Variants in MACROD2 observed in about 807,000 individuals in gnomAD.
MACROD2 encodes ADP-ribose glycohydrolase MACROD2.
A neutral mutation model predicts 70.4 loss-of-function variants in MACROD2; 36 were observed. The ratio of observed to expected loss-of-function variants is 0.51; its 90% CI spans 0.39 to 0.68. MACROD2 has a LOEUF of 0.68. Among genes scored for constraint, MACROD2 ranks in the 30% least tolerant of loss-of-function variants. The probability of loss-of-function intolerance (pLI) is 0.00; values close to 1 mark genes in which losing one functional copy is unlikely to be tolerated. For missense variants in MACROD2, 496 were observed against 538.4 expected (o/e 0.92, Z 0.78); for synonymous variants, 172 against 178.8 (o/e 0.96, Z 0.30).
intron 5 of MACROD2, among the ~76,000 whole-genome samples, chr20:14,855,069 T>C (rs768607477): frequency 3.9e-5 from 6 of 152,152 alleles, no homozygotes; most frequent in Non-Finnish European, 8.8e-5. Context: ...GTTATTTAAA[T>C]TCAGTCTTTC....
intron 3 of MACROD2, among the ~76,000 whole-genome samples, chr20:14,256,638 A>G (rs947217237): frequency 3.3e-5 from 5 of 152,148 alleles, no homozygotes; most frequent in African/African-American, 4.8e-5. Flanking sequence ...ATGCTAGCCT[A>G]TTTAAGACCT....
chr20:15,279,772 C>T (rs1238232057), intron 6 of MACROD2, among the ~76,000 whole-genome samples: 1 of 152,154 alleles, frequency 6.6e-6, no homozygotes, highest in East Asian at 1.9e-4. Context: ...ATCTTTTAAG[C>T]ATCTACCGTA....
intron 3 of MACROD2, among the ~76,000 whole-genome samples, chr20:14,437,409 A>G (rs1377278198): frequency 6.6e-6 from 1 of 152,142 alleles, no homozygotes; most frequent in Non-Finnish European, 1.5e-5. Context: ...CCTGGCCAAC[A>G]TGGTGAAACC....
At chr20:14,560,909 A>G (rs1319184480) in intron 4 of MACROD2, among the ~76,000 whole-genome samples, 1 of 151,814 alleles carries the variant, frequency 6.6e-6, no homozygotes, top group East Asian at 1.9e-4. Flanking sequence ...TTAGAATTTG[A>G]CCTTATTAAT....
At chr20:14,385,131 G>GATATCTC (rs2083456794) in intron 3 of MACROD2, among the ~76,000 whole-genome samples, 1 of 152,108 alleles carries the variant, frequency 6.6e-6, no homozygotes, top group Non-Finnish European at 1.5e-5. Context: ...CTAACAGCAT[G>GATATCTC]ATATCTCATT....
intron 5 of MACROD2, among the ~76,000 whole-genome samples, chr20:14,761,544 G>C (rs1029754623): frequency 6.6e-6 from 1 of 152,074 alleles, no homozygotes; most frequent in African/African-American, 2.4e-5. Context: ...ACCTAAACTT[G>C]TTTTTTATTC....
chr20:15,351,749 A>G (rs996567261), intron 6 of MACROD2, among the ~76,000 whole-genome samples: 1 of 152,242 alleles, frequency 6.6e-6, no homozygotes, highest in African/African-American at 2.4e-5. Flanking sequence ...TGTGCCCACA[A>G]ACATGGCTAT....
At chr20:15,872,451 GTTA>G (rs1460429915) in intron 9 of MACROD2, among the ~76,000 whole-genome samples, 1 of 152,162 alleles carries the variant, frequency 6.6e-6, no homozygotes, top group African/African-American at 2.4e-5. Context: ...TGCTAGGCTT[GTTA>G]TTATAAGAAA....
chr20:14,385,765 T>C (rs538767284), intron 3 of MACROD2, among the ~76,000 whole-genome samples: 2 of 152,326 alleles, frequency 1.3e-5, no homozygotes, highest in Admixed American at 6.5e-5. Context: ...AATCATGATA[T>C]GTTGCTTTTC....
chr20:14,776,223 T>C (rs1035845374), intron 5 of MACROD2, among the ~76,000 whole-genome samples: 1 of 151,892 alleles, frequency 6.6e-6, no homozygotes, highest in African/African-American at 2.4e-5. Flanking sequence ...AAAGAGTGGG[T>C]TTGGGGTTTC....
In MACROD2 at chr20:15,176,112, C is replaced by T. The variant is rs141616694; in HGVS notation, c.419-53828C>T. 9.0e-3 allele frequency among the ~76,000 whole-genome samples: 1,366 copies of T among 152,340 alleles called. 17 individuals are homozygous for T. The highest frequency in any genetic ancestry group is 0.017 in the Admixed American group (260 of 15,314). ...ATGTGTATTCTCAGAGGTGCTGACA[C>T]GCCAGCCCCCTGCTGCCTTGGCCCC... is the stretch of plus-strand genomic sequence containing the variant. On this transcript the variant is annotated intron_variant, in intron 5 of 17. Transcript: ENST00000684519.
intron 8 of MACROD2, among the ~76,000 whole-genome samples, chr20:15,510,887 CAGAA>C (rs2047490225): frequency 6.6e-6 from 1 of 152,240 alleles, no homozygotes; most frequent in Non-Finnish European, 1.5e-5. Context: ...AAGTCCATGA[CAGAA>C]AGCCCCAACC....
At chr20:15,089,707 C>T (rs533144620) in intron 5 of MACROD2, among the ~76,000 whole-genome samples, 7 of 152,188 alleles carry the variant, frequency 4.6e-5, no homozygotes, top group African/African-American at 1.4e-4. Context: ...ACACTGAAGG[C>T]CTGCCTTCTT....
intron 4 of MACROD2, among the ~76,000 whole-genome samples, chr20:14,606,016 A>C (rs746095527): frequency 3.9e-5 from 6 of 152,164 alleles, no homozygotes; most frequent in African/African-American, 7.2e-5. Flanking sequence ...TGTGTATATA[A>C]ATCCCCTTTC....
intron 3 of MACROD2, among the ~76,000 whole-genome samples, chr20:14,134,594 C>G (rs2054766071): frequency 6.6e-6 from 1 of 152,036 alleles, no homozygotes; most frequent in Admixed American, 6.5e-5. Flanking sequence ...ATCATGAGTT[C>G]AGGAGATCAA....
In MACROD2 at chr20:15,306,852, A is replaced by C. The variant is rs551024490; in HGVS notation, c.540+76791A>C. On this transcript the variant is annotated intron_variant, in intron 6 of 17. Coordinates refer to ENST00000684519, the MANE Select transcript of MACROD2 (RefSeq NM_001351661.2). The stretch of plus-strand genomic sequence containing the variant: ...ATAAAGGAGTAACCGAGACTGGATA[A>C]TTTATTAAAAAAAGAGGTTTACTTG... Among the ~76,000 whole-genome samples the C allele has an allele frequency of 3.9e-5, 6 of 152,258 alleles. No individual in the cohort carries two copies. In the East Asian group the frequency reaches 1.2e-3, roughly 29 times the overall value.
At chr20:15,021,718 G>A (rs1288896187) in intron 5 of MACROD2, 2 of 151,982 alleles carry the variant, frequency 1.3e-5, no homozygotes, top group African/African-American at 4.8e-5. Flanking sequence ...AGATGGCTGG[G>A]TGGAACTAAT....
At position 14,715,015 on chromosome 20, in the gene MACROD2, T is replaced by C. The variant is rs6105313; in HGVS notation, c.418+30056T>C. Among the ~76,000 whole-genome samples, 717 of 152,318 alleles carry C rather than the reference T, an allele frequency of 4.7e-3. 4 individuals carry two copies. Among genetic ancestry groups the C allele is most frequent in the African/African-American group, 0.016 (659 of 41,580 alleles). ...TGTAAGGTGTTGTATTAGTCCATTC[T>C]CATGCTGCTAATAAAGACATACCTG... On this transcript the variant is annotated intron_variant, in intron 5 of 17. Transcript: ENST00000684519.
At chr20:14,921,712 T>C (rs2074165848) in intron 5 of MACROD2, among the ~76,000 whole-genome samples, 1 of 149,030 alleles carries the variant, frequency 6.7e-6, no homozygotes, top group South Asian at 2.1e-4. Flanking sequence ...AAGATATATT[T>C]AGTGTCAGGG....
Sources: allele counts gnomAD v4.1 joint callset (sites outside exome capture counted in the v4.1 genomes callset), GRCh38; gene constraint gnomAD v4.1.1; transcripts MANE v1.5; gene names NCBI Gene and HGNC (gene_info 2026-07-23, HGNC 2026-07-21).